PTPRF: variants seen among roughly 807,000 people sequenced by gnomAD.
PTPRF encodes protein tyrosine phosphatase receptor type F.
PTPRF carries 59 observed loss-of-function variants against 201.8 expected under a neutral mutation model. The ratio of observed to expected loss-of-function variants is 0.29; its 90% CI spans 0.24 to 0.36. PTPRF has a LOEUF of 0.36. Ranked by LOEUF, PTPRF falls within the 10% of genes least tolerant of loss-of-function variation. The pLI, the probability that PTPRF is intolerant of heterozygous loss-of-function variation, is 1.00. For missense variants in PTPRF, 2,132 were observed against 2,690.5 expected (o/e 0.79, Z 4.59); for synonymous variants, 1,088 against 1,089.7 (o/e 1.00, Z 0.03).
chr1:43,620,732 A>T, intron 31 of PTPRF, 106 bp from the exon 32 acceptor site: 1 of 1,521,316 alleles, frequency 6.6e-7, no homozygotes, highest in Non-Finnish European at 8.9e-7. Context: ...CCTCGGGTGC[A>T]GTGACACAGA....
intron 21 of PTPRF, among the ~76,000 whole-genome samples, chr1:43,607,527 C>T (rs1273767640): frequency 1.3e-5 from 2 of 152,246 alleles, no homozygotes; most frequent in African/African-American, 4.8e-5. Flanking sequence ...TGGCCACCAC[C>T]TGCCCTAGGA....
At chr1:43,560,285 C>T (rs1365741780) in intron 5 of PTPRF, among the ~76,000 whole-genome samples, 1 of 148,294 alleles carries the variant, frequency 6.7e-6, no homozygotes, top group Non-Finnish European at 1.5e-5. Flanking sequence ...ACGCAACAGG[C>T]ACTATATTTG....
intron 5 of PTPRF, among the ~76,000 whole-genome samples, chr1:43,567,453 G>A (rs1052852841): frequency 1.3e-4 from 20 of 152,192 alleles, no homozygotes; most frequent in Admixed American, 9.8e-4. Flanking sequence ...GAACTTCTAG[G>A]GCTGCAGGTG....
intron 11 of PTPRF, among the ~76,000 whole-genome samples, chr1:43,593,001 C>T (rs917407903): frequency 3.9e-5 from 6 of 152,210 alleles, no homozygotes; most frequent in South Asian, 2.1e-4. Flanking sequence ...CCTATGGCCC[C>T]GCATCTCGTC....
At chr1:43,531,582 C>T (rs373121258) in intron 1 of PTPRF, among the ~76,000 whole-genome samples, 26 of 149,354 alleles carry the variant, frequency 1.7e-4, no homozygotes, top group South Asian at 1.0e-3. Context: ...TCCCAGCCGG[C>T]GGGGGATCCG....
In PTPRF at chr1:43,597,909, G is replaced by A. The variant is rs1215039768; in HGVS notation, c.1975G>A (p.Val659Met). The change falls in exon 12 of 34, where the codon GTG (valine) becomes ATG (methionine). Residue 659 changes from valine to methionine, a missense_variant. Physicochemically the swap from Val to Met is conservative, Grantham distance 21. Transcript: ENST00000359947. ...VDGEDRGRHV[V>M]DGISREHSSW... The stretch of plus-strand genomic sequence containing the variant: ...CGGCGAGGACCGCGGGCGGCATGTG[G>A]TGGATGGCATCAGCCGTGAGCACTC... 1 of 1,602,854 alleles carries A rather than the reference G, an allele frequency of 6.2e-7. No individual in the cohort carries two copies. Among genetic ancestry groups the A allele is most frequent in the Non-Finnish European group, 8.5e-7 (1 of 1,175,212 alleles).
At position 43,578,909 on chromosome 1, in the gene PTPRF, T is replaced by C; in HGVS notation, c.668T>C (p.Leu223Pro). Residue 223 changes from leucine (L) to proline (P), a missense_variant, in exon 7 of 34, where the codon CTG (leucine) becomes CCG (proline). Leu to Pro is a moderately conservative substitution (Grantham distance 98). This residue lies in a region of PTPRF where 297 missense variants were observed against 454.0 expected (regional missense o/e 0.65). Transcript: ENST00000359947. ...ACACGTTACTCAGCCCCTGCGAACC[T>C]GTATGTGCGAGGTAAGGACTCAGGC... ...AGTRYSAPAN[L>P]YVRVRRVAPR... 1 of 1,614,150 alleles carries C rather than the reference T, an allele frequency of 6.2e-7. No individual in the cohort carries two copies. The highest frequency in any genetic ancestry group is 8.5e-7 in the Non-Finnish European group (1 of 1,180,004).
Position 43,620,591 on chromosome 1 carries a change from C to T in PTPRF, c.5364+12C>T. On this transcript the variant is annotated intron_variant, in intron 31 of 33. Coordinates refer to ENST00000359947, the MANE Select transcript of PTPRF (RefSeq NM_002840.5). ...TCACGGATGCCCGGGTGAGTGAGTG[C>T]ATTGAGTGTGTCCATAACGCTGCCT... 3 of 1,612,350 alleles carry T rather than the reference C, an allele frequency of 1.9e-6. No homozygotes were observed. The highest frequency in any genetic ancestry group is 1.3e-5 in the African/African-American group (1 of 75,022).
intron 22 of PTPRF, chr1:43,613,176 C>T (rs1447643286): frequency 6.4e-6 from 2 of 314,632 alleles, no homozygotes; most frequent in Admixed American, 8.8e-5. Flanking sequence ...TCCATCTACA[C>T]ACTTGGTGCC....
intron 33 of PTPRF, 143 bp downstream of exon 33, chr1:43,621,375 G>A: frequency 8.4e-7 from 1 of 1,191,640 alleles, no homozygotes; most frequent in Non-Finnish European, 1.2e-6. Context: ...AGGCATGGTG[G>A]TGTGTGCTTA....
chr1:43,541,436 C>G (rs903651449), intron 2 of PTPRF, among the ~76,000 whole-genome samples: 1 of 152,300 alleles, frequency 6.6e-6, no homozygotes. Flanking sequence ...CAACGTGAAT[C>G]TTCTGTGACG....
intron 21 of PTPRF, among the ~76,000 whole-genome samples, chr1:43,607,404 C>T (rs1026183941): frequency 6.6e-6 from 1 of 152,256 alleles, no homozygotes; most frequent in Admixed American, 6.5e-5. Flanking sequence ...GAGCTGGAGG[C>T]CCACAGGCCA....
At position 43,605,755 on chromosome 1, in the gene PTPRF, C is replaced by T. The variant is rs768938783; in HGVS notation, c.3483+133C>T. ...GAAATCTCTCTTCTGGCTGGCAGCC[C>T]GCCCCTCTCTGGAGAGAGGGACTCT... On this transcript the variant is annotated intron_variant, in intron 19 of 33. Transcript: ENST00000359947. 1.1e-4 allele frequency: 95 copies of T among 872,262 alleles called. 1 individual carries two copies. The highest frequency in any genetic ancestry group is 1.6e-4 in the South Asian group (10 of 62,798). The allele number at this position is 872,262 out of a possible 1,614,324, so 54.0% of individuals were successfully genotyped here.
chr1:43,615,693 A>T (rs1409133073), intron 23 of PTPRF, among the ~76,000 whole-genome samples: 4 of 150,294 alleles, frequency 2.7e-5, no homozygotes, highest in Non-Finnish European at 5.9e-5. Flanking sequence ...CAGCCTCCCG[A>T]GTAGCTGGGA....
At position 43,580,096 on chromosome 1, in the gene PTPRF, C is replaced by A. The variant is rs183173148; in HGVS notation, c.679+1176C>A. 3 of 152,156 alleles carry A rather than the reference C, an allele frequency of 2.0e-5. No individual in the cohort carries two copies. In the East Asian group the frequency reaches 5.8e-4, roughly 29 times the overall value. 9.4% of individuals were successfully genotyped at this position (152,156 alleles called of 1,614,324 possible). On this transcript the variant is annotated intron_variant, in intron 7 of 33. Transcript: ENST00000359947. ...AAAAAAAAGTACAACTGTCTCCACC[C>A]AGGGGATTGTAAAGGAAAGCGGACA...
In PTPRF at chr1:43,618,581, G is replaced by C. The variant is rs371665843; in HGVS notation, c.4372-49G>C. ...ACCAGCCTCCACCCTGCTTCTGCCC[G>C]TCTGAGCCTGTGGGCTTCCTTCAGC... On this transcript the variant is annotated intron_variant, in intron 25 of 33. Transcript: ENST00000359947. The C allele has an allele frequency of 1.9e-6, 3 of 1,571,124 alleles. No individual in the cohort carries two copies. The African/African-American group carries it at 4.0e-5, about 21-fold the overall frequency.
intron 5 of PTPRF, among the ~76,000 whole-genome samples, chr1:43,556,401 A>G (rs1645378500): frequency 6.6e-6 from 1 of 152,164 alleles, no homozygotes; most frequent in African/African-American, 2.4e-5. Context: ...AGCTGGGACT[A>G]CTGGCAGGTG....
chr1:43,596,106 G>A (rs1363837835), intron 11 of PTPRF, among the ~76,000 whole-genome samples: 2 of 152,186 alleles, frequency 1.3e-5, no homozygotes, highest in Non-Finnish European at 2.9e-5. Context: ...ATTGGTGAGA[G>A]TGTGGTAGGT....
In PTPRF at chr1:43,618,706, T is replaced by G. The variant is rs775410354; in HGVS notation, c.4448T>G (p.Val1483Gly). The G allele has an allele frequency of 6.2e-7, 1 of 1,611,770 alleles. No individual in the cohort carries two copies. Among genetic ancestry groups the G allele is most frequent in the East Asian group, 2.2e-5 (1 of 44,762 alleles). Reference protein sequence around the residue: ...GLIQVTLLDTVELATYTVRTF... With the variant: ...GLIQVTLLDTGELATYTVRTF... ...ATTCAGGTGACCCTGTTGGACACAG[T>G]GGAGCTGGCCACATACACTGTGCGC... The change falls in exon 26 of 34, where the codon GTG (valine) becomes GGG (glycine). Residue 1483 changes from valine to glycine, a missense_variant. This residue lies in a region of PTPRF where 519 missense variants were observed against 659.5 expected (regional missense o/e 0.79). Transcript: ENST00000359947.
Sources: gnomAD v4.1 joint callset for allele counts (sites outside exome capture counted in the v4.1 genomes callset) on GRCh38, gnomAD v4.1.1 for gene constraint, gnomAD v4.1.1 regional missense constraint, MANE v1.5 for transcripts, NCBI Gene and HGNC (gene_info 2026-07-23, HGNC 2026-07-21) for gene names.